The following KATNIP variants were observed in gnomAD, a reference collection of about 807,000 sequenced individuals.
The protein encoded by KATNIP is katanin-interacting protein.
A neutral mutation model predicts 174.0 loss-of-function variants in KATNIP; 126 were observed. The ratio of observed to expected loss-of-function variants is 0.72; its 90% confidence interval spans 0.63 to 0.84. The LOEUF (loss-of-function observed/expected upper bound fraction) is 0.84. Ranked by LOEUF, KATNIP falls within the 40% of genes least tolerant of loss-of-function variation. The pLI, the probability that KATNIP is intolerant of heterozygous loss-of-function variation, is 0.00. For missense variants in KATNIP, 1,958 were observed against 2,109.7 expected (o/e 0.93, Z 1.41); for synonymous variants, 810 against 835.7 (o/e 0.97, Z 0.53).
chr16:27,670,785 C>T (rs933829390), intron 6 of KATNIP, among the ~76,000 whole-genome samples: 3 of 152,096 alleles, frequency 2.0e-5, no homozygotes, highest in Admixed American at 6.6e-5. Context: ...TAAATGTAAA[C>T]GTATCATTTT....
intron 2 of KATNIP, among the ~76,000 whole-genome samples, chr16:27,614,376 G>T (rs2075982843): frequency 6.6e-6 from 1 of 152,110 alleles, no homozygotes. Flanking sequence ...GTCCAGGCTG[G>T]TCTTGAACTC....
chr16:27,711,987 C>G (rs1274796903), intron 13 of KATNIP, among the ~76,000 whole-genome samples: 2 of 152,210 alleles, frequency 1.3e-5, no homozygotes, highest in Non-Finnish European at 2.9e-5. Context: ...TTCGCCACCC[C>G]TCCCCTGCCC....
At chr16:27,555,218 C>T (rs992143473) in intron 1 of KATNIP, among the ~76,000 whole-genome samples, 2 of 152,166 alleles carry the variant, frequency 1.3e-5, no homozygotes, top group African/African-American at 4.8e-5. Context: ...ATGTTTACTT[C>T]CTACGTTCAC....
chr16:27,763,506 C>T (rs932315008), intron 19 of KATNIP, among the ~76,000 whole-genome samples: 1 of 142,800 alleles, frequency 7.0e-6, no homozygotes, highest in Admixed American at 7.0e-5. Context: ...GTACCAGCTA[C>T]TCAGATGCTG....
intron 14 of KATNIP, among the ~76,000 whole-genome samples, chr16:27,731,535 A>G (rs2080683706): frequency 6.6e-6 from 1 of 152,198 alleles, no homozygotes. Flanking sequence ...GGAAACTGAG[A>G]TACAGAAAGG....
At chr16:27,720,988 G>A (rs996708266) in intron 13 of KATNIP, among the ~76,000 whole-genome samples, 1 of 152,118 alleles carries the variant, frequency 6.6e-6, no homozygotes, top group Non-Finnish European at 1.5e-5. Flanking sequence ...CCTGCCCCTG[G>A]GGCCTCCATC....
intron 2 of KATNIP, among the ~76,000 whole-genome samples, chr16:27,614,645 G>A (rs1320391438): frequency 6.6e-6 from 1 of 152,016 alleles, no homozygotes; most frequent in Non-Finnish European, 1.5e-5. Context: ...ATTTCATTAT[G>A]TCACCCTTTC....
At chr16:27,728,814 C>T (rs1422977031) in intron 14 of KATNIP, among the ~76,000 whole-genome samples, 1 of 152,206 alleles carries the variant, frequency 6.6e-6, no homozygotes, top group Non-Finnish European at 1.5e-5. Flanking sequence ...TGAAAGTGGA[C>T]TCAGAGCCAG....
At chr16:27,710,074 A>C (rs1260641219) in intron 13 of KATNIP, among the ~76,000 whole-genome samples, 1 of 152,124 alleles carries the variant, frequency 6.6e-6, no homozygotes, top group Non-Finnish European at 1.5e-5. Flanking sequence ...TAAATATCCA[A>C]CAGAGCCAGG....
chr16:27,632,555 G>A, intron 5 of KATNIP: 1 of 447,800 alleles, frequency 2.2e-6, no homozygotes, highest in Non-Finnish European at 4.5e-6. Context: ...CGGGAGACAC[G>A]GAAACCCTCA....
chr16:27,742,053 C>T (rs941044848), intron 15 of KATNIP, among the ~76,000 whole-genome samples: 2 of 147,588 alleles, frequency 1.4e-5, no homozygotes, highest in Non-Finnish European at 3.0e-5. Context: ...AAAAAAGGCA[C>T]ATCTGCTGGC....
In KATNIP at chr16:27,761,519, C is replaced by A. The variant is rs372445484; in HGVS notation, c.3738C>A (p.His1246Gln). 5 of 1,614,030 alleles carry A rather than the reference C, an allele frequency of 3.1e-6. No individual in the cohort carries two copies. Among genetic ancestry groups the A allele is most frequent in the Non-Finnish European group, 4.2e-6 (5 of 1,180,028 alleles). The part of the protein sequence containing the change: ...KEGQALPIHL[H>Q]QISASPRDLN... ...GCCAGGCGCTGCCCATCCACCTGCA[C>A]CAGATCTCTGCTTCCCCCAGAGACT... Residue 1246 changes from histidine (H) to glutamine (Q), a missense_variant, in exon 19 of 28, where the codon CAC becomes CAA. His to Gln is a conservative substitution (Grantham distance 24, BLOSUM62 0). Around this residue, in one of 3 missense-constraint regions of KATNIP, gnomAD observed 1,557 missense variants for 1,617.8 expected, o/e 0.96. Transcript: ENST00000261588.
intron 1 of KATNIP, 146 bp downstream of exon 1, chr16:27,550,323 T>G (rs2089292416): frequency 1.1e-6 from 1 of 912,540 alleles, no homozygotes; most frequent in South Asian, 1.7e-5. Flanking sequence ...ATAGGGAGGC[T>G]TAGTGGTCTG....
At chr16:27,679,457 G>C (rs1345692121) in intron 7 of KATNIP, among the ~76,000 whole-genome samples, 1 of 152,118 alleles carries the variant, frequency 6.6e-6, no homozygotes, top group Non-Finnish European at 1.5e-5. Context: ...GGATTTCAAT[G>C]TATGAGTTTG....
Position 27,777,963 on chromosome 16 carries a change from G to T in KATNIP, c.4795G>T (p.Asp1599Tyr). Residue 1599 changes from aspartate to tyrosine, a missense_variant, in exon 27 of 28, where the codon GAC becomes TAC. By Grantham distance (160) the Asp-to-Tyr change is radical. This residue lies in a region of KATNIP where 383 missense variants were observed against 456.0 expected (regional missense o/e 0.84). Transcript: ENST00000261588. This position sits in a 1 kb window ranked among gnomAD's most constrained non-coding sequence, Gnocchi z 4.4. ...TNAKRKQSVV[D>Y]PALRPKTCIS... Reference sequence around the variant, plus strand: ...CGCGAAACGGAAGCAGAGCGTTGTTGACCCAGGTCAGTGGCGTTTCTCTGC... The same window carrying T: ...CGCGAAACGGAAGCAGAGCGTTGTTTACCCAGGTCAGTGGCGTTTCTCTGC... The T allele has an allele frequency of 6.2e-7, 1 of 1,613,930 alleles. No individual in the cohort carries two copies. The highest frequency in any genetic ancestry group is 1.1e-5 in the South Asian group (1 of 91,060).
intron 14 of KATNIP, among the ~76,000 whole-genome samples, chr16:27,725,400 G>C (rs1367990181): frequency 6.6e-6 from 1 of 152,180 alleles, no homozygotes; most frequent in African/African-American, 2.4e-5. Flanking sequence ...GAAAGATCTG[G>C]AACCTTCTTT....
At chr16:27,554,171 A>G (rs183701324) in intron 1 of KATNIP, among the ~76,000 whole-genome samples, 71 of 152,244 alleles carry the variant, frequency 4.7e-4, no homozygotes, top group African/African-American at 1.7e-3. Flanking sequence ...CATAAGTACA[A>G]ATGTCAACAC....
At chr16:27,631,447 A>T (rs1417716315) in intron 5 of KATNIP, among the ~76,000 whole-genome samples, 1 of 151,206 alleles carries the variant, frequency 6.6e-6, no homozygotes, top group Non-Finnish European at 1.5e-5. Flanking sequence ...CAGGAGGCTG[A>T]GGTGGGAGGA....
intron 6 of KATNIP, among the ~76,000 whole-genome samples, chr16:27,668,745 C>T (rs2077779039): frequency 6.6e-6 from 1 of 152,184 alleles, no homozygotes; most frequent in African/African-American, 2.4e-5. Context: ...GTGGTTCATG[C>T]CTACAATCCC....
Sources: gnomAD v4.1 joint callset for allele counts (sites outside exome capture counted in the v4.1 genomes callset) on GRCh38, gnomAD v4.1.1 for gene constraint, gnomAD v4.1.1 regional missense constraint, Gnocchi (gnomAD v3.1) non-coding constraint, MANE v1.5 for transcripts, NCBI Gene and HGNC (gene_info 2026-07-23, HGNC 2026-07-21) for gene names.